DNAH10: variants seen among roughly 807,000 people sequenced by gnomAD.
DNAH10 encodes dynein axonemal heavy chain 10.
A neutral mutation model predicts 506.6 loss-of-function variants in DNAH10; 348 were observed. The observed-to-expected ratio is 0.69, with a 90% confidence interval of 0.63 to 0.75. DNAH10 has a LOEUF of 0.75. DNAH10 is among the 30% of genes least tolerant of loss of function. DNAH10 has a pLI of 0.00. For missense variants in DNAH10, 5,179 were observed against 5,787.1 expected, an observed-to-expected ratio of 0.89 and a Z score of 3.41; for synonymous variants, 2,059 against 2,198.6, an observed-to-expected ratio of 0.94 and a Z score of 1.78.
intron 43 of DNAH10, among the ~76,000 whole-genome samples, chr12:123,869,895 T>C (rs946714116): frequency 6.6e-5 from 10 of 152,230 alleles, no homozygotes; most frequent in Non-Finnish European, 1.2e-4. Context: ...CCTGGGTTGC[T>C]GCCTTCCCGC....
Position 123,833,207 on chromosome 12 carries a change from T to G in DNAH10, c.4639T>G (p.Ser1547Ala). ...GTQERGYILG[S>A]VDEIIQSLDD... Reference sequence around the variant, plus strand: ...ACAGGAGCGAGGCTACATCCTGGGTTCTGTTGACGAAATTATTCAGTCTCT... The same window carrying G: ...ACAGGAGCGAGGCTACATCCTGGGTGCTGTTGACGAAATTATTCAGTCTCT... The change falls in exon 27 of 79, where the codon TCT (serine) becomes GCT (alanine). Residue 1547 changes from serine to alanine, a missense_variant. Transcript: ENST00000673944. The G allele has an allele frequency of 1.2e-6, 2 of 1,613,926 alleles. No homozygotes were observed. Among genetic ancestry groups the G allele is most frequent in the Non-Finnish European group, 1.7e-6 (2 of 1,179,878 alleles).
chr12:123,897,748 T>C, intron 54 of DNAH10, 22 bp from the exon 55 acceptor site: 1 of 1,588,044 alleles, frequency 6.3e-7, no homozygotes, highest in Non-Finnish European at 8.5e-7. Flanking sequence ...AAAGAAAACA[T>C]TTTTTATTCC....
intron 25 of DNAH10, among the ~76,000 whole-genome samples, chr12:123,829,203 G>A (rs768563413): frequency 2.6e-5 from 4 of 152,188 alleles, no homozygotes; most frequent in African/African-American, 9.6e-5. Flanking sequence ...GTGGTTGGTG[G>A]TGGGAAAAAG....
At chr12:123,867,378 C>G in intron 41 of DNAH10, 89 bp from the exon 42 acceptor site, 2 of 1,423,796 alleles carry the variant, frequency 1.4e-6, no homozygotes, top group South Asian at 2.9e-5. Context: ...AGATGTTGCT[C>G]AACCCTCTTT....
chr12:123,813,125 C>A lies in DNAH10; in HGVS notation c.3145-39C>A, dbSNP rs766347365. 3 of 1,521,518 alleles carry A rather than the reference C, an allele frequency of 2.0e-6. No individual in the cohort carries two copies. In the South Asian group the frequency reaches 3.7e-5, roughly 19 times the overall value. The allele number at this position is 1,521,518 out of a possible 1,614,324, so 94.3% of individuals were successfully genotyped here. Reference sequence around the variant, plus strand: ...ATGTACGTTGGAGGCAAAATAGATACTAAAATACTGTCTTTTCTCCTAATT... The same window carrying A: ...ATGTACGTTGGAGGCAAAATAGATAATAAAATACTGTCTTTTCTCCTAATT... On this transcript the variant is annotated intron_variant, in intron 19 of 78. Coordinates refer to ENST00000673944, the MANE Select transcript of DNAH10 (RefSeq NM_001372106.1).
At position 123,762,383 on chromosome 12, in the gene DNAH10, C is replaced by T; in HGVS notation, c.47C>T (p.Ala16Val). 7.2e-7 allele frequency: 1 copy of T among 1,385,642 alleles called. No individual in the cohort carries two copies. Among genetic ancestry groups the T allele is most frequent in the Non-Finnish European group, 9.4e-7 (1 of 1,066,206 alleles). 85.8% of individuals were successfully genotyped at this position (1,385,642 alleles called of 1,614,324 possible). A position where few individuals can be genotyped will look rare whatever the true frequency, so the allele number is the denominator to read the frequency against. Residue 16 changes from alanine (A) to valine (V), a missense_variant, in exon 1 of 79, where the codon GCT (alanine) becomes GTT (valine). This residue lies in a region of DNAH10 where 326 missense variants were observed against 330.8 expected (regional missense o/e 0.99). Transcript: ENST00000673944. This position sits in a 1 kb window ranked among gnomAD's most constrained non-coding sequence, Gnocchi z 5.0. ...TGGATGCGCGACCGCGTGTATGCGG[C>T]TTTCGGCATCACCGACCCCCAGCTT... ...VLWMRDRVYA[A>V]FGITDPQLFE...
rs1276389050 is a variant in DNAH10, at chr12:123,813,252, A to G, written c.3233A>G (p.Asn1078Ser). The change falls in exon 20 of 79, where the codon AAT (asparagine) becomes AGT (serine). Residue 1078 changes from asparagine (N) to serine (S), a missense_variant. Asn to Ser is a conservative substitution (Grantham distance 46, BLOSUM62 1). Coordinates refer to ENST00000673944, the MANE Select transcript of DNAH10 (RefSeq NM_001372106.1). ...GAAGTTGTTATAATAAACTTTTACAATGATATCTCTCTGAACCCTCAGATA... is the reference window on the plus strand; with the variant it reads ...GAAGTTGTTATAATAAACTTTTACAGTGATATCTCTCTGAACCCTCAGATA... Reference protein sequence around the residue: ...EEEVVIINFYNDISLNPQIIE... With the variant: ...EEEVVIINFYSDISLNPQIIE... 3.1e-6 allele frequency: 5 copies of G among 1,614,198 alleles called. No individual in the cohort carries two copies. Among genetic ancestry groups the G allele is most frequent in the Non-Finnish European group, 3.4e-6 (4 of 1,180,042 alleles).
intron 64 of DNAH10, among the ~76,000 whole-genome samples, chr12:123,918,018 G>T (rs58498731): frequency 2.0e-5 from 3 of 152,146 alleles, no homozygotes; most frequent in Admixed American, 2.0e-4. Context: ...TCTTTAAATC[G>T]AGAGTGATAG....
At chr12:123,798,933 C>T (rs1353484190) in intron 13 of DNAH10, among the ~76,000 whole-genome samples, 1 of 149,182 alleles carries the variant, frequency 6.7e-6, no homozygotes, top group Non-Finnish European at 1.5e-5. Flanking sequence ...TGGTGAAACC[C>T]TGTCTCTACT....
At chr12:123,806,295 C>T (rs1193394670) in intron 18 of DNAH10, among the ~76,000 whole-genome samples, 1 of 152,190 alleles carries the variant, frequency 6.6e-6, no homozygotes, top group Non-Finnish European at 1.5e-5. Context: ...TCACCTTGCA[C>T]CATGTTCTGT....
chr12:123,908,404 C>T (rs1278003723), intron 57 of DNAH10: 11 of 456,108 alleles, frequency 2.4e-5, no homozygotes, highest in Admixed American at 4.7e-5. Flanking sequence ...CCATGCCCTC[C>T]GGGACCTCTG....
rs535884136 is a variant in DNAH10, at chr12:123,805,815, C to T, written c.2987+775C>T. 3.3e-3 allele frequency among the ~76,000 whole-genome samples: 484 copies of T among 146,252 alleles called. 5 individuals are homozygous for T. The highest frequency in any genetic ancestry group is 0.011 in the African/African-American group (444 of 39,572). Reference sequence around the variant, plus strand: ...TGTTTGAGACAGAGTCTCGCTCTGTCGCCCAGGTTGGAGTGCAGTGGCATG... The same window carrying T: ...TGTTTGAGACAGAGTCTCGCTCTGTTGCCCAGGTTGGAGTGCAGTGGCATG... On this transcript the variant is annotated intron_variant, in intron 18 of 78. Transcript: ENST00000673944.
intron 21 of DNAH10, among the ~76,000 whole-genome samples, chr12:123,816,928 C>T (rs554370574): frequency 2.0e-5 from 3 of 152,128 alleles, no homozygotes; most frequent in Non-Finnish European, 4.4e-5. Flanking sequence ...TCAGTTGCTC[C>T]GTCTCCTTAC....
Position 123,935,465 on chromosome 12 carries a change from C to T in DNAH10, c.13754C>T (p.Thr4585Ile), listed in dbSNP as rs745702859. The change falls in exon 79 of 79, where the codon ACC becomes ATC. Residue 4585 changes from threonine (T) to isoleucine (I), a missense_variant. This residue lies in a region of DNAH10 where 4,844 missense variants were observed against 5,430.5 expected (regional missense o/e 0.89). Transcript: ENST00000673944. ...SHWVLQGVCL[T>I]LNSD The stretch of plus-strand genomic sequence containing the variant: ...TGGGTGCTGCAAGGAGTATGCCTCA[C>T]CCTGAATTCTGATTAACCTTTGGGT... 96 of 1,588,954 alleles carry T rather than the reference C, an allele frequency of 6.0e-5. No individual in the cohort carries two copies. Among genetic ancestry groups the T allele is most frequent in the Non-Finnish European group, 7.8e-5 (91 of 1,159,398 alleles).
In DNAH10 at chr12:123,926,237, TAAAAAAAA is replaced by T. The variant is rs869303760; in HGVS notation, c.11922-389_11922-382del. ...CAGAGTGAGATTATATATTTCAATT[TAAAAAAAA>T]AAAAAAAAAAGAAAAAGAAAAAACC... On this transcript the variant is annotated intron_variant, in intron 68 of 78. Coordinates refer to ENST00000673944, the MANE Select transcript of DNAH10 (RefSeq NM_001372106.1). This position sits in a 1 kb window ranked among gnomAD's most constrained non-coding sequence, Gnocchi z 4.1. 9.2e-6 allele frequency among the ~76,000 whole-genome samples: 1 copy of T among 108,352 alleles called. No homozygotes were observed. The highest frequency in any genetic ancestry group is 3.2e-5 in the African/African-American group (1 of 30,822). The allele number at this position is 108,352 out of a possible 152,430, so 71.1% of individuals were successfully genotyped here. A position where few individuals can be genotyped will look rare whatever the true frequency, so the allele number is the denominator to read the frequency against.
At chr12:123,911,285 A>G (rs1379026730) in intron 59 of DNAH10, among the ~76,000 whole-genome samples, 168 of 11,176 alleles carry the variant, frequency 0.015, no homozygotes, top group African/African-American at 0.016. Flanking sequence ...GTCCTGGGGG[A>G]TCTGTCCTGG....
chr12:123,777,203 G>T (rs1957473679), intron 5 of DNAH10, among the ~76,000 whole-genome samples: 1 of 152,128 alleles, frequency 6.6e-6, no homozygotes, highest in Non-Finnish European at 1.5e-5. Context: ...TTTAAAACAT[G>T]GGCATCATCA....
intron 57 of DNAH10, chr12:123,908,444 C>A (rs1424546106): frequency 2.2e-6 from 1 of 456,286 alleles, no homozygotes; most frequent in South Asian, 1.5e-5. Flanking sequence ...GCTTTTCCTT[C>A]CTCTCCTGCT....
chr12:123,933,728 G>GC (rs2137765527), intron 77 of DNAH10, among the ~76,000 whole-genome samples: 1 of 152,340 alleles, frequency 6.6e-6, no homozygotes, highest in East Asian at 1.9e-4. Flanking sequence ...TCTCCGTTGA[G>GC]ACCTGGGGTC....
Sources: gnomAD v4.1 joint callset for allele counts (sites outside exome capture counted in the v4.1 genomes callset) on GRCh38, gnomAD v4.1.1 for gene constraint, gnomAD v4.1.1 regional missense constraint, Gnocchi (gnomAD v3.1) non-coding constraint, MANE v1.5 for transcripts, NCBI Gene and HGNC (gene_info 2026-07-23, HGNC 2026-07-21) for gene names.